PLXNC1: variants seen among roughly 807,000 people sequenced by gnomAD.
PLXNC1 encodes the protein plexin-C1.
A neutral mutation model predicts 178.2 loss-of-function variants in PLXNC1; 75 were observed. The observed-to-expected ratio is 0.42, with a 90% CI of 0.35 to 0.51. The LOEUF (loss-of-function observed/expected upper bound fraction) is 0.51. Among genes scored for constraint, PLXNC1 ranks in the 20% least tolerant of loss-of-function variants. The pLI, the probability that PLXNC1 is intolerant of heterozygous loss-of-function variation, is 0.02. For missense variants in PLXNC1, 1,503 were observed against 1,984.4 expected (o/e 0.76, Z 4.61); for synonymous variants, 790 against 779.9 (o/e 1.01, Z -0.22).
chr12:94,301,723 G>A (rs1397339328), intron 28 of PLXNC1, among the ~76,000 whole-genome samples: 1 of 150,238 alleles, frequency 6.7e-6, no homozygotes, highest in Non-Finnish European at 1.5e-5. Flanking sequence ...GGAATGAATG[G>A]AGACTGATGT....
intron 4 of PLXNC1, among the ~76,000 whole-genome samples, chr12:94,188,082 A>G (rs1045555319): frequency 1.3e-5 from 2 of 152,054 alleles, no homozygotes; most frequent in Non-Finnish European, 2.9e-5. Flanking sequence ...CCACTGGGTC[A>G]GATTCAGCTG....
intron 16 of PLXNC1, 46 bp from the exon 17 acceptor site, chr12:94,255,147 A>T (rs1002075462): frequency 2.2e-6 from 3 of 1,390,326 alleles, no homozygotes; most frequent in East Asian, 4.6e-5. Context: ...GATCCTATCC[A>T]TTGTTTGTTG....
intron 19 of PLXNC1, 49 bp downstream of exon 19, chr12:94,259,783 G>C (rs767041021): frequency 6.5e-7 from 1 of 1,528,604 alleles, no homozygotes; most frequent in Non-Finnish European, 8.8e-7. Flanking sequence ...AAAAAATCAG[G>C]CCGGGCATGG....
Position 94,254,822 on chromosome 12 carries a change from C to T in PLXNC1, c.2917C>T (p.Leu973=). ...GGTGACCAGGCACAAATCGAAGGAGCTGAGTCGCAAACAGAGTCAACAACT... is the reference window on the plus strand; with the variant it reads ...GGTGACCAGGCACAAATCGAAGGAGTTGAGTCGCAAACAGAGTCAACAACT... ...VGVTRHKSKE[L]SRKQSQQLEL... The change falls in exon 16 of 31, where the codon CTG becomes TTG. Residue 973 remains leucine (L), a synonymous_variant. Coordinates refer to ENST00000258526, the MANE Select transcript of PLXNC1 (RefSeq NM_005761.3). The T allele has an allele frequency of 6.2e-7, 1 of 1,610,306 alleles. No individual in the cohort carries two copies. Among genetic ancestry groups the T allele is most frequent in the Non-Finnish European group, 8.5e-7 (1 of 1,179,104 alleles).
intron 4 of PLXNC1, among the ~76,000 whole-genome samples, chr12:94,201,531 A>T (rs1328955187): frequency 6.6e-6 from 1 of 152,148 alleles, no homozygotes; most frequent in African/African-American, 2.4e-5. Context: ...GAAAACTATT[A>T]TTTGCATTTC....
chr12:94,188,466 G>A (rs754784519), intron 4 of PLXNC1, among the ~76,000 whole-genome samples: 1 of 151,734 alleles, frequency 6.6e-6, no homozygotes, highest in Non-Finnish European at 1.5e-5. Flanking sequence ...TGGGATTACC[G>A]GTACGTGCCA....
rs543485200 is a variant in PLXNC1 at position 94,247,743 on chromosome 12, T to G, written c.2389-160T>G. ...AGCCCTCATTTAATGTAATGTAGGG[T>G]GAAGTCAATCCTGTGAGGGAGGTAG... On this transcript the variant is annotated intron_variant, in intron 12 of 30. Transcript: ENST00000258526. 1.6e-3 allele frequency among the ~76,000 whole-genome samples: 251 copies of G among 152,198 alleles called. 2 individuals carry two copies. The highest frequency in any genetic ancestry group is 2.2e-3 in the Non-Finnish European group (147 of 68,000).
intron 3 of PLXNC1, among the ~76,000 whole-genome samples, chr12:94,182,859 GTATCTATCTATC>G (rs59933010): frequency 7.2e-4 from 104 of 144,040 alleles, no homozygotes; most frequent in African/African-American, 2.4e-3. Flanking sequence ...AAGAATATCT[GTATCTATCTATC>G]TATCTATCTA....
chr12:94,150,508 T>A (rs1304391917), intron 1 of PLXNC1, among the ~76,000 whole-genome samples: 1 of 152,210 alleles, frequency 6.6e-6, no homozygotes, highest in African/African-American at 2.4e-5. Flanking sequence ...AAGGGCTCCC[T>A]GCCACACCCC....
In PLXNC1 at chr12:94,169,123, AT is replaced by A. The variant is rs879096868; in HGVS notation, c.1063-23del. On this transcript the variant is annotated intron_variant, in intron 1 of 30. Coordinates refer to ENST00000258526, the MANE Select transcript of PLXNC1 (RefSeq NM_005761.3). Reference sequence around the variant, plus strand: ...ACTATTGTTGTTAAAAATTATTATTATTTTTTTGTGCGTTTGTGTGCATGTT... The same window carrying A: ...ACTATTGTTGTTAAAAATTATTATTATTTTTTGTGCGTTTGTGTGCATGTT... 5 of 1,584,488 alleles carry A rather than the reference AT, an allele frequency of 3.2e-6. No homozygotes were observed. In the African/African-American group the frequency reaches 5.4e-5, roughly 17 times the overall value.
At chr12:94,247,282 A>G (rs958904256) in intron 12 of PLXNC1, among the ~76,000 whole-genome samples, 1 of 151,728 alleles carries the variant, frequency 6.6e-6, no homozygotes, top group East Asian at 1.9e-4. Flanking sequence ...TTCAGTTTTC[A>G]TGCTCTTCAT....
chr12:94,160,772 G>A (rs1961355418), intron 1 of PLXNC1, among the ~76,000 whole-genome samples: 1 of 152,118 alleles, frequency 6.6e-6, no homozygotes, highest in Non-Finnish European at 1.5e-5. Context: ...TTTAATGCAT[G>A]AAATGAAAAC....
At chr12:94,173,434 A>G (rs1288384123) in intron 2 of PLXNC1, among the ~76,000 whole-genome samples, 2 of 152,262 alleles carry the variant, frequency 1.3e-5, no homozygotes, top group African/African-American at 4.8e-5. Context: ...GTGTAAGCAT[A>G]AAAGATAAGA....
At chr12:94,185,887 T>A (rs978898790) in intron 3 of PLXNC1, 9 of 158,240 alleles carry the variant, frequency 5.7e-5, no homozygotes. Context: ...GATTCCATGA[T>A]CCGTATGGAA....
intron 1 of PLXNC1, among the ~76,000 whole-genome samples, chr12:94,167,190 G>A (rs1286879374): frequency 6.6e-6 from 1 of 152,156 alleles, no homozygotes; most frequent in African/African-American, 2.4e-5. Flanking sequence ...CCAGTCTTTT[G>A]CAAACAGGAT....
intron 2 of PLXNC1, among the ~76,000 whole-genome samples, 182 bp downstream of exon 2, chr12:94,169,475 G>A (rs1053892940): frequency 4.6e-5 from 7 of 152,096 alleles, no homozygotes; most frequent in African/African-American, 1.4e-4. Context: ...AGAATGCCCC[G>A]TAGCCATGTA....
intron 26 of PLXNC1, 65 bp from the exon 27 acceptor site, chr12:94,298,567 A>G: frequency 1.6e-6 from 2 of 1,280,432 alleles, no homozygotes; most frequent in Non-Finnish European, 2.2e-6. Context: ...TGCTTTTGCT[A>G]TTATGTTTTC....
chr12:94,222,129 T>C (rs1484559460), intron 6 of PLXNC1, among the ~76,000 whole-genome samples: 1 of 152,234 alleles, frequency 6.6e-6, no homozygotes, highest in African/African-American at 2.4e-5. Flanking sequence ...GCCTTTGTGA[T>C]GCATTTCTGG....
intron 3 of PLXNC1, among the ~76,000 whole-genome samples, chr12:94,183,776 T>G (rs1962411375): frequency 6.6e-6 from 1 of 152,158 alleles, no homozygotes; most frequent in Non-Finnish European, 1.5e-5. Flanking sequence ...AGCAAAAAGT[T>G]CTAGCCTCTG....
Sources: gnomAD v4.1 joint callset for allele counts (sites outside exome capture counted in the v4.1 genomes callset) on GRCh38, gnomAD v4.1.1 for gene constraint, MANE v1.5 for transcripts, NCBI Gene and HGNC (gene_info 2026-07-23, HGNC 2026-07-21) for gene names.